Variants in RGS10 observed in about 807,000 individuals in gnomAD.
RGS10 encodes regulator of G protein signaling 10, also known as regulator of G-protein signalling 10.
Under a neutral mutation model 23.5 loss-of-function variants are expected in RGS10, and 11 were observed. The ratio of observed to expected loss-of-function variants is 0.47; its 90% confidence interval spans 0.29 to 0.77. The LOEUF (loss-of-function observed/expected upper bound fraction) is 0.77. Among genes scored for constraint, RGS10 ranks in the 30% least tolerant of loss-of-function variants. RGS10 has a pLI of 0.08. For synonymous variants in RGS10, 77 were observed against 83.2 expected, an observed-to-expected ratio of 0.92 and a Z score of 0.41; for missense variants, 180 against 226.3, an observed-to-expected ratio of 0.80 and a Z score of 1.31.
chr10:119,511,951 A>G (rs143447200), intron 4 of RGS10, among the ~76,000 whole-genome samples: 37 of 152,288 alleles, frequency 2.4e-4, no homozygotes, highest in African/African-American at 7.2e-4. Context: ...CTGTGTGCAA[A>G]CCAAGAATAA....
intron 1 of RGS10, chr10:119,536,468 C>T (rs1589843576): frequency 6.2e-7 from 1 of 1,613,104 alleles, no homozygotes. Flanking sequence ...CCTTACGTTC[C>T]ATGCTCTGGT....
chr10:119,525,048 G>T (rs1318452749), intron 3 of RGS10, among the ~76,000 whole-genome samples: 1 of 152,160 alleles, frequency 6.6e-6, no homozygotes, highest in African/African-American at 2.4e-5. Flanking sequence ...GGTATGTTTT[G>T]TTTGGTAGGC....
At chr10:119,513,595 C>T (rs1464657000) in intron 4 of RGS10, among the ~76,000 whole-genome samples, 2 of 152,140 alleles carry the variant, frequency 1.3e-5, no homozygotes, top group Non-Finnish European at 2.9e-5. Flanking sequence ...CTAAGGGGCA[C>T]GCCTACTCAT....
chr10:119,516,251 C>CA (rs34362335), intron 3 of RGS10: 13,347 of 133,950 alleles, frequency 0.1, 1,225 homozygotes, highest in African/African-American at 0.21. Flanking sequence ...GACTGTCTCT[C>CA]AAAAAAAAAA....
At chr10:119,509,141 T>C (rs1218758134) in intron 4 of RGS10, among the ~76,000 whole-genome samples, 3 of 152,068 alleles carry the variant, frequency 2.0e-5, no homozygotes, top group Non-Finnish European at 2.9e-5. Context: ...TTCATGCCTG[T>C]AATCCCAGCA....
In RGS10 at chr10:119,524,020, C is replaced by T. The variant is rs536211824; in HGVS notation, c.255+2012G>A. ...CAGCCCTGCCTGCCCACACACTGTC[C>T]CTGCTCCCGGGAACCCCCTCCCAAT... On this transcript the variant is annotated intron_variant, in intron 3 of 4. Transcript: ENST00000369103. This position sits in a 1 kb window ranked among gnomAD's most constrained non-coding sequence, Gnocchi z 5.2. 5.3e-5 allele frequency among the ~76,000 whole-genome samples: 8 copies of T among 152,284 alleles called. No homozygotes were observed. Among genetic ancestry groups the T allele is most frequent in the African/African-American group, 1.9e-4 (8 of 41,556 alleles).
chr10:119,535,678 T>C (rs1433999744), intron 1 of RGS10, among the ~76,000 whole-genome samples: 1 of 152,208 alleles, frequency 6.6e-6, no homozygotes, highest in African/African-American at 2.4e-5. Context: ...AATATCTCAC[T>C]ATCCAGTTTC....
chr10:119,533,584 A>G (rs1844354737), intron 1 of RGS10, among the ~76,000 whole-genome samples: 1 of 152,204 alleles, frequency 6.6e-6, no homozygotes, highest in Admixed American at 6.5e-5. Flanking sequence ...CAAAGTTGCA[A>G]TATTCTTCTA....
chr10:119,520,968 C>T (rs1844205978), intron 3 of RGS10, among the ~76,000 whole-genome samples: 1 of 152,098 alleles, frequency 6.6e-6, no homozygotes, highest in African/African-American at 2.4e-5. Context: ...GACCATTTCC[C>T]AGAACTACAA....
intron 3 of RGS10, among the ~76,000 whole-genome samples, chr10:119,522,370 C>G (rs1420822483): frequency 6.6e-6 from 1 of 152,196 alleles, no homozygotes; most frequent in Non-Finnish European, 1.5e-5. Context: ...CCTGCTGGAA[C>G]AGATGTGATA....
Position 119,542,614 on chromosome 10 carries a change from G to A in RGS10, c.25C>T (p.Leu9=). The change falls in exon 1 of 5, where the codon CTG becomes TTG. Residue 9 remains leucine, a synonymous_variant. Coordinates refer to ENST00000369103, the MANE Select transcript of RGS10 (RefSeq NM_001005339.2). ...CCTGACGGCGGCCGCTTCCTGCTCA[G>A]CCGGCTCACGGCGCGGTTGAACATC... MFNRAVSR[L]SRKRPPSDIH... The A allele has an allele frequency of 7.0e-7, 1 of 1,425,810 alleles. No individual in the cohort carries two copies. Among genetic ancestry groups the A allele is most frequent in the Non-Finnish European group, 9.2e-7 (1 of 1,086,888 alleles). 88.3% of individuals were successfully genotyped at this position (1,425,810 alleles called of 1,614,324 possible). A position where few individuals can be genotyped will look rare whatever the true frequency, so the allele number is the denominator to read the frequency against.
In RGS10 at chr10:119,523,315, T is replaced by C. The variant is rs1844239979; in HGVS notation, c.255+2717A>G. Among the ~76,000 whole-genome samples, 7 of 152,190 alleles carry C rather than the reference T, an allele frequency of 4.6e-5. No individual in the cohort carries two copies. In the South Asian group the frequency reaches 1.4e-3, roughly 31 times the overall value. On this transcript the variant is annotated intron_variant, in intron 3 of 4. Coordinates refer to ENST00000369103, the MANE Select transcript of RGS10 (RefSeq NM_001005339.2). ...GGCAGTGACAGGAGGGTGGCATTCATTGCTCTAAAGCAATTGCCGGGTGCA... is the reference window on the plus strand; with the variant it reads ...GGCAGTGACAGGAGGGTGGCATTCACTGCTCTAAAGCAATTGCCGGGTGCA...
rs1235048999 is a variant in RGS10 at position 119,506,121 on chromosome 10, A to G, written c.400-5862T>C. Among the ~76,000 whole-genome samples the G allele has an allele frequency of 7.2e-5, 11 of 152,330 alleles. No individual in the cohort carries two copies. The Middle Eastern group carries it at 0.017, about 236-fold the overall frequency. On this transcript the variant is annotated intron_variant, in intron 4 of 4. Transcript: ENST00000369103. ...GGAGACAGAAAGGGGGAAGAAAGGA[A>G]GCTCCTGTCCCTCCAGCCCTCAGAA...
At chr10:119,534,363 C>G (rs1278611596) in intron 1 of RGS10, among the ~76,000 whole-genome samples, 1 of 151,508 alleles carries the variant, frequency 6.6e-6, no homozygotes, top group Admixed American at 6.6e-5. Flanking sequence ...GAGGCCGAGG[C>G]AGGCGGATCA....
chr10:119,507,301 T>C (rs1844025183), intron 4 of RGS10, among the ~76,000 whole-genome samples: 1 of 152,158 alleles, frequency 6.6e-6, no homozygotes. Context: ...ACCATGGTCA[T>C]GCAGGGGCAC....
chr10:119,504,261 C>T (rs899393261), intron 4 of RGS10, among the ~76,000 whole-genome samples: 3 of 152,248 alleles, frequency 2.0e-5, no homozygotes, highest in Non-Finnish European at 2.9e-5. Context: ...ACGATCTTGG[C>T]TCACTGCAAA....
intron 4 of RGS10, among the ~76,000 whole-genome samples, chr10:119,506,651 T>C (rs945231287): frequency 7.2e-5 from 11 of 152,012 alleles, no homozygotes; most frequent in African/African-American, 2.7e-4. Context: ...GGAAGGGGAG[T>C]TGAATGCTCC....
intron 4 of RGS10, among the ~76,000 whole-genome samples, chr10:119,510,120 C>G (rs1249834789): frequency 2.6e-5 from 4 of 152,160 alleles, no homozygotes; most frequent in African/African-American, 9.7e-5. Flanking sequence ...GGGACGGGCA[C>G]AGCCCTGAAC....
At chr10:119,516,792 A>G (rs1844149827) in intron 3 of RGS10, among the ~76,000 whole-genome samples, 1 of 152,114 alleles carries the variant, frequency 6.6e-6, no homozygotes, top group African/African-American at 2.4e-5. Flanking sequence ...CAGGCGCCTC[A>G]GGGCGGGGCT....
Sources: gnomAD v4.1 joint callset for allele counts (sites outside exome capture counted in the v4.1 genomes callset) on GRCh38, gnomAD v4.1.1 for gene constraint, Gnocchi (gnomAD v3.1) non-coding constraint, MANE v1.5 for transcripts, NCBI Gene and HGNC (gene_info 2026-07-23, HGNC 2026-07-21) for gene names.